Variants in PHF21A observed in about 807,000 individuals in gnomAD.
PHF21A encodes PHD finger protein 21A.
In PHF21A, 11 loss-of-function variants were observed where a neutral mutation model predicts 82.5. That is an observed-to-expected ratio of 0.13 (90% CI 0.08 to 0.22). PHF21A has a LOEUF of 0.22. Among genes scored for constraint, PHF21A ranks in the 10% least tolerant of loss-of-function variants. The probability of loss-of-function intolerance (pLI) is 1.00; values close to 1 mark genes in which losing one functional copy is unlikely to be tolerated. For synonymous variants in PHF21A, 297 were observed against 302.8 expected (o/e 0.98, Z 0.20); for missense variants, 579 against 837.8 (o/e 0.69, Z 3.81).
At chr11:46,051,746 T>C (rs919440681) in intron 6 of PHF21A, among the ~76,000 whole-genome samples, 1 of 152,034 alleles carries the variant, frequency 6.6e-6, no homozygotes, top group Non-Finnish European at 1.5e-5. Context: ...AGGAAGATAT[T>C]AGAGGAAGAC....
At chr11:46,036,883 T>C (rs551315578) in intron 6 of PHF21A, among the ~76,000 whole-genome samples, 1 of 152,006 alleles carries the variant, frequency 6.6e-6, no homozygotes, top group Non-Finnish European at 1.5e-5. Context: ...TTAAAAAAAA[T>C]TTTTTTTGTA....
At chr11:46,111,423 T>C (rs1231871038) in intron 1 of PHF21A, among the ~76,000 whole-genome samples, 2 of 151,978 alleles carry the variant, frequency 1.3e-5, no homozygotes, top group East Asian at 1.9e-4. Flanking sequence ...TGAGCTGATA[T>C]TGCGCCACTG....
At chr11:46,032,823 T>C (rs570916186) in intron 6 of PHF21A, among the ~76,000 whole-genome samples, 15 of 152,324 alleles carry the variant, frequency 9.8e-5, no homozygotes, top group East Asian at 9.6e-4. Context: ...TTCATATTTA[T>C]TGGCCATTAA....
intron 6 of PHF21A, among the ~76,000 whole-genome samples, chr11:46,054,897 A>C (rs1393739008): frequency 6.6e-6 from 1 of 152,208 alleles, no homozygotes; most frequent in Non-Finnish European, 1.5e-5. Flanking sequence ...TAGGACCAGC[A>C]GTTGATCAGA....
At chr11:46,112,758 A>G (rs1009974739) in intron 1 of PHF21A, among the ~76,000 whole-genome samples, 20 of 151,804 alleles carry the variant, frequency 1.3e-4, no homozygotes, top group Middle Eastern at 3.4e-3. Flanking sequence ...CCCCATTTTA[A>G]AAAAAAAGGA....
intron 1 of PHF21A, among the ~76,000 whole-genome samples, chr11:46,106,060 C>T (rs1425099963): frequency 6.6e-6 from 1 of 152,194 alleles, no homozygotes; most frequent in African/African-American, 2.4e-5. Context: ...GAACCTGACA[C>T]AATGAAAACA....
chr11:46,069,884 G>A (rs1418657292), intron 6 of PHF21A, among the ~76,000 whole-genome samples: 1 of 152,164 alleles, frequency 6.6e-6, no homozygotes, highest in Non-Finnish European at 1.5e-5. Flanking sequence ...TAACCACCAT[G>A]ACTACAGCCA....
intron 6 of PHF21A, among the ~76,000 whole-genome samples, chr11:46,021,684 G>C (rs1467940306): frequency 6.6e-6 from 1 of 151,944 alleles, no homozygotes; most frequent in African/African-American, 2.4e-5. Flanking sequence ...TGAGACTATA[G>C]GCACACACCA....
intron 9 of PHF21A, among the ~76,000 whole-genome samples, chr11:45,966,546 T>C (rs1247643813): frequency 6.6e-6 from 1 of 152,246 alleles, no homozygotes; most frequent in Non-Finnish European, 1.5e-5. Flanking sequence ...ATCCTAGTTC[T>C]ACCACTCACT....
At chr11:46,000,347 A>G (rs2095075031) in intron 6 of PHF21A, among the ~76,000 whole-genome samples, 1 of 152,192 alleles carries the variant, frequency 6.6e-6, no homozygotes, top group Admixed American at 6.5e-5. Flanking sequence ...TACTCTACTG[A>G]GAGTTGCAGG....
intron 16 of PHF21A, chr11:45,936,842 A>C (rs2089188429): frequency 2.8e-6 from 1 of 351,342 alleles, no homozygotes; most frequent in Non-Finnish European, 5.2e-6. Flanking sequence ...CTTTTCACAC[A>C]CGCCACATGA....
Position 45,929,534 on chromosome 11 carries a change from T to C in PHF21A, c.*4434A>G, listed in dbSNP as rs2087476896. The C allele has an allele frequency of 6.5e-6, 1 of 153,132 alleles. No individual in the cohort carries two copies. The highest frequency in any genetic ancestry group is 2.4e-5 in the African/African-American group (1 of 41,430). 9.5% of individuals were successfully genotyped at this position (153,132 alleles called of 1,614,324 possible). ...GGTTGGGGTCTGGCTGGCTCTTCTC[T>C]GCTAGGAGCTGGCTGACCTCTGGCC... On this transcript the variant is annotated 3_prime_UTR_variant, in exon 19 of 19. Transcript: ENST00000676320.
At chr11:45,997,218 A>G (rs756072384) in intron 6 of PHF21A, among the ~76,000 whole-genome samples, 30 of 152,040 alleles carry the variant, frequency 2.0e-4, no homozygotes, top group Non-Finnish European at 4.1e-4. Context: ...AAACAGAGGG[A>G]TTTTTTTCCA....
intron 6 of PHF21A, among the ~76,000 whole-genome samples, chr11:46,072,307 T>C (rs2096665038): frequency 1.3e-5 from 2 of 152,246 alleles, no homozygotes; most frequent in African/African-American, 4.8e-5. Context: ...TTCAGGCCCA[T>C]GGGATCTAAC....
intron 6 of PHF21A, among the ~76,000 whole-genome samples, chr11:46,056,938 C>T (rs112116511): frequency 1.3e-5 from 2 of 151,752 alleles, no homozygotes; most frequent in Non-Finnish European, 2.9e-5. Context: ...ATTTTTAAAA[C>T]TAATCAAGTA....
intron 1 of PHF21A, among the ~76,000 whole-genome samples, chr11:46,098,493 T>C (rs997140744): frequency 3.3e-5 from 5 of 152,116 alleles, no homozygotes; most frequent in African/African-American, 1.2e-4. Context: ...TGAGAAGAAA[T>C]AGCAGAAATA....
chr11:46,030,822 T>TGTGTGTGC (rs1266702078), intron 6 of PHF21A, among the ~76,000 whole-genome samples: 1 of 112,618 alleles, frequency 8.9e-6, no homozygotes, highest in African/African-American at 3.6e-5. Flanking sequence ...TGTGTGTGCG[T>TGTGTGTGC]GTGTGTGCGT....
At chr11:46,044,298 A>C (rs2096217048) in intron 6 of PHF21A, among the ~76,000 whole-genome samples, 1 of 152,122 alleles carries the variant, frequency 6.6e-6, no homozygotes, top group African/African-American at 2.4e-5. Flanking sequence ...ACCTTAAATG[A>C]GCAGGAAAAA....
chr11:46,026,428 C>A (rs946663696), intron 6 of PHF21A, among the ~76,000 whole-genome samples: 10 of 152,212 alleles, frequency 6.6e-5, no homozygotes, highest in African/African-American at 2.4e-4. Context: ...TGATCCTTTG[C>A]ATAAACAGGT....
Sources: gnomAD v4.1 joint callset for allele counts (sites outside exome capture counted in the v4.1 genomes callset) on GRCh38, gnomAD v4.1.1 for gene constraint, MANE v1.5 for transcripts, NCBI Gene and HGNC (gene_info 2026-07-23, HGNC 2026-07-21) for gene names.